The following MAF variants were observed in gnomAD, a reference collection of about 807,000 sequenced individuals.
The protein encoded by MAF is transcription factor Maf.
Under a neutral mutation model 22.0 loss-of-function variants are expected in MAF, and 10 were observed. The observed-to-expected ratio is 0.45, with a 90% CI of 0.28 to 0.77. MAF has a LOEUF of 0.77. Among genes scored for constraint, MAF ranks in the 30% least tolerant of loss-of-function variants. The pLI is 0.12. For synonymous variants in MAF, 337 were observed against 255.8 expected, an observed-to-expected ratio of 1.32 and a Z score of -3.03; for missense variants, 544 against 548.4, an observed-to-expected ratio of 0.99 and a Z score of 0.08.
chr16:79,492,059 G>A, the MAF span, among the ~76,000 whole-genome samples: 6 of 152,074 alleles, frequency 3.9e-5, no homozygotes, highest in African/African-American at 1.4e-4. Context: ...AGACCATATT[G>A]CAAAGATCTC....
At chr16:79,276,454 G>A in the MAF span, among the ~76,000 whole-genome samples, 1 of 152,128 alleles carries the variant, frequency 6.6e-6, no homozygotes, top group East Asian at 1.9e-4. Flanking sequence ...TTAGGGACAC[G>A]TCTCCATTAC....
At chr16:79,212,663 TATC>T in the MAF span, 1 of 152,462 alleles carries the variant, frequency 6.6e-6, no homozygotes, top group East Asian at 1.9e-4. Flanking sequence ...CATGCTTGAA[TATC>T]ATCACCTGAA....
At chr16:79,363,312 C>G in the MAF span, among the ~76,000 whole-genome samples, 2 of 152,178 alleles carry the variant, frequency 1.3e-5, no homozygotes, top group Non-Finnish European at 2.9e-5. Context: ...TAAACCCAAC[C>G]TAAGTTGAAT....
At chr16:79,220,112 C>A in the MAF span, among the ~76,000 whole-genome samples, 1 of 151,774 alleles carries the variant, frequency 6.6e-6, no homozygotes, top group Admixed American at 6.6e-5. Context: ...AAAAATTAGC[C>A]GGGTGTGGTG....
the MAF span, among the ~76,000 whole-genome samples, chr16:79,385,517 G>C: frequency 6.6e-6 from 1 of 152,318 alleles, no homozygotes; most frequent in South Asian, 2.1e-4. Flanking sequence ...TTTAACGTAC[G>C]CAAGCATGCG....
At chr16:79,533,693 C>G in the MAF span, among the ~76,000 whole-genome samples, 1 of 152,126 alleles carries the variant, frequency 6.6e-6, no homozygotes. Context: ...GAGATCCATT[C>G]CTGACTTCCC....
At chr16:79,306,517 G>T in the MAF span, among the ~76,000 whole-genome samples, 3 of 152,172 alleles carry the variant, frequency 2.0e-5, no homozygotes, top group African/African-American at 7.2e-5. Context: ...GGCTTACAAG[G>T]TATTATGAGA....
the MAF span, among the ~76,000 whole-genome samples, chr16:79,406,592 G>A: frequency 6.6e-6 from 1 of 152,102 alleles, no homozygotes; most frequent in Non-Finnish European, 1.5e-5. Flanking sequence ...CCACCCTCAT[G>A]ATCTGATCAC....
the MAF span, among the ~76,000 whole-genome samples, chr16:79,338,037 C>T: frequency 1.5e-4 from 23 of 152,124 alleles, no homozygotes; most frequent in African/African-American, 2.7e-4. Flanking sequence ...ATAAATAGGA[C>T]GAGTCCCTGT....
At chr16:79,470,747 T>C in the MAF span, among the ~76,000 whole-genome samples, 1 of 152,156 alleles carries the variant, frequency 6.6e-6, no homozygotes, top group Non-Finnish European at 1.5e-5. Flanking sequence ...GCTGGGGCCA[T>C]AGAAGGCACT....
chr16:79,405,477 A>G, the MAF span, among the ~76,000 whole-genome samples: 60,678 of 152,000 alleles, frequency 0.4, 13,150 homozygotes, highest in East Asian at 0.86. Flanking sequence ...CCACTGAACA[A>G]CTTTCATTGT....
chr16:79,410,619 T>C, the MAF span, among the ~76,000 whole-genome samples: 23 of 152,236 alleles, frequency 1.5e-4, no homozygotes, highest in East Asian at 4.3e-3. Flanking sequence ...AGGTCAACCA[T>C]GGCAACCAGT....
chr16:79,502,852 T>C, the MAF span, among the ~76,000 whole-genome samples: 2 of 149,448 alleles, frequency 1.3e-5, no homozygotes, highest in Non-Finnish European at 3.0e-5. Flanking sequence ...GATGGAAATA[T>C]TCTTTACTCT....
chr16:79,209,064 C>T, the MAF span, among the ~76,000 whole-genome samples: 31 of 152,278 alleles, frequency 2.0e-4, no homozygotes, highest in African/African-American at 7.2e-4. Flanking sequence ...AAAGCCAGAG[C>T]CACTTGTGAT....
the MAF span, among the ~76,000 whole-genome samples, chr16:79,457,469 G>A: frequency 2.0e-5 from 3 of 148,088 alleles, no homozygotes; most frequent in Non-Finnish European, 4.5e-5. Flanking sequence ...AATACTAAAA[G>A]TGTCAAGAGC....
the MAF span, among the ~76,000 whole-genome samples, chr16:79,263,941 G>A: frequency 6.6e-6 from 1 of 152,124 alleles, no homozygotes; most frequent in Non-Finnish European, 1.5e-5. Flanking sequence ...TGGTTCTGGT[G>A]GCTAGATGTT....
At chr16:79,506,665 T>C in the MAF span, among the ~76,000 whole-genome samples, 3 of 152,164 alleles carry the variant, frequency 2.0e-5, no homozygotes, top group Admixed American at 1.3e-4. Context: ...TGGATGGAAC[T>C]GTGTTGAGGC....
At chr16:79,502,876 G>C in the MAF span, among the ~76,000 whole-genome samples, 10 of 150,134 alleles carry the variant, frequency 6.7e-5, no homozygotes, top group African/African-American at 2.2e-4. Context: ...TAACGTGGTG[G>C]TTACATGGGA....
chr16:79,311,630 C>T, the MAF span, among the ~76,000 whole-genome samples: 1 of 152,086 alleles, frequency 6.6e-6, no homozygotes, highest in African/African-American at 2.4e-5. Context: ...AGGTTGGACT[C>T]AAAGCGCCTC....
Sources: allele counts gnomAD v4.1 joint callset (sites outside exome capture counted in the v4.1 genomes callset), GRCh38; gene constraint gnomAD v4.1.1; transcripts MANE v1.5; gene names NCBI Gene and HGNC (gene_info 2026-07-23, HGNC 2026-07-21).